The following UBR2 variants were observed in gnomAD, a reference collection of about 807,000 sequenced individuals.
UBR2 encodes the protein E3 ubiquitin-protein ligase UBR2.
In UBR2, 92 loss-of-function variants were observed where a neutral mutation model predicts 247.9. That is an observed-to-expected ratio of 0.37 (90% confidence interval 0.31 to 0.44). The LOEUF (loss-of-function observed/expected upper bound fraction) is 0.44. UBR2 is among the 20% of genes least tolerant of loss of function. The probability of loss-of-function intolerance (pLI) is 1.00; values close to 1 mark genes in which losing one functional copy is unlikely to be tolerated. For synonymous variants in UBR2, 672 were observed against 693.5 expected (o/e 0.97, Z 0.49); for missense variants, 1,613 against 2,112.6 (o/e 0.76, Z 4.64).
Position 42,592,326 on chromosome 6 carries a change from G to A in UBR2, c.417+97G>A, listed in dbSNP as rs184271743. The stretch of plus-strand genomic sequence containing the variant: ...AATGCAAAGATTTAACACTAAAATG[G>A]GGGGAGGGTGGTTTAAACAGTGTGT... On this transcript the variant is annotated intron_variant, in intron 3 of 46. Transcript: ENST00000372901. The A allele has an allele frequency of 9.1e-6, 9 of 985,802 alleles. No homozygotes were observed. The East Asian group carries it at 2.7e-4, about 30-fold the overall frequency. The allele number at this position is 985,802 out of a possible 1,614,324, so 61.1% of individuals were successfully genotyped here. A position where few individuals can be genotyped will look rare whatever the true frequency, so the allele number is the denominator to read the frequency against.
chr6:42,652,116 T>G (rs1424066390), intron 24 of UBR2, 45 bp downstream of exon 24: 1 of 1,514,790 alleles, frequency 6.6e-7, no homozygotes, highest in East Asian at 2.3e-5. Flanking sequence ...CTTTTTTGCT[T>G]GTTAAACATT....
At chr6:42,638,364 T>C (rs1582612786) in intron 15 of UBR2, among the ~76,000 whole-genome samples, 1 of 144,954 alleles carries the variant, frequency 6.9e-6, no homozygotes, top group African/African-American at 2.9e-5. Flanking sequence ...TCTGAAGGCA[T>C]TTTTTTTCAT....
chr6:42,649,965 C>G (rs928214695), intron 22 of UBR2, among the ~76,000 whole-genome samples: 3 of 152,180 alleles, frequency 2.0e-5, no homozygotes, highest in Non-Finnish European at 4.4e-5. Flanking sequence ...GAGAAATTAT[C>G]ACTGTTAATG....
chr6:42,586,135 T>C (rs1792239217), intron 2 of UBR2, among the ~76,000 whole-genome samples: 1 of 151,862 alleles, frequency 6.6e-6, no homozygotes, highest in Non-Finnish European at 1.5e-5. Context: ...AGGGCTAAAC[T>C]GGGTGGATAG....
At chr6:42,588,583 C>T (rs1162422552) in intron 2 of UBR2, among the ~76,000 whole-genome samples, 4 of 152,172 alleles carry the variant, frequency 2.6e-5, no homozygotes. Context: ...GAGGATTGCT[C>T]AAACCCAGGA....
intron 16 of UBR2, among the ~76,000 whole-genome samples, chr6:42,641,364 T>G (rs1033384243): frequency 6.6e-6 from 1 of 152,158 alleles, no homozygotes; most frequent in African/African-American, 2.4e-5. Context: ...CTCGGGAGGC[T>G]GAGGCAGGAG....
At chr6:42,673,919 A>G (rs1798578630) in intron 37 of UBR2, 32 bp downstream of exon 37, 1 of 1,561,394 alleles carries the variant, frequency 6.4e-7, no homozygotes, top group East Asian at 2.2e-5. Context: ...ACATGTTGTA[A>G]TTTTTCATCC....
At chr6:42,637,890 C>T (rs1245807350) in intron 15 of UBR2, among the ~76,000 whole-genome samples, 3 of 152,174 alleles carry the variant, frequency 2.0e-5, no homozygotes, top group African/African-American at 4.8e-5. Context: ...TTTTCTTGCT[C>T]GCACACTGTT....
chr6:42,609,184 C>T (rs1008294430), intron 7 of UBR2, among the ~76,000 whole-genome samples: 1 of 152,136 alleles, frequency 6.6e-6, no homozygotes, highest in Non-Finnish European at 1.5e-5. Context: ...AGTCTAGTAA[C>T]GTGTTAAAGC....
chr6:42,659,923 G>A lies in UBR2; in HGVS notation c.3442+68G>A. On this transcript the variant is annotated intron_variant, in intron 30 of 46. Transcript: ENST00000372901. This position sits in a 1 kb window ranked among gnomAD's most constrained non-coding sequence, Gnocchi z 4.3. ...TGCCAGTTAATGTGGTTGGTGATAC[G>A]TTGAGATTTTTTAAACCTAAAAATA... 7 of 1,493,864 alleles carry A rather than the reference G, an allele frequency of 4.7e-6. No individual in the cohort carries two copies. The South Asian group carries it at 4.7e-5, about 10-fold the overall frequency. The allele number at this position is 1,493,864 out of a possible 1,614,324, so 92.5% of individuals were successfully genotyped here. A position where few individuals can be genotyped will look rare whatever the true frequency, so the allele number is the denominator to read the frequency against.
chr6:42,630,608 G>T (rs1795655343), intron 11 of UBR2, among the ~76,000 whole-genome samples: 1 of 151,848 alleles, frequency 6.6e-6, no homozygotes, highest in Admixed American at 6.6e-5. Context: ...GTTTGGTGGG[G>T]GTTTACATTC....
At chr6:42,608,207 AT>A (rs2151931627) in intron 7 of UBR2, among the ~76,000 whole-genome samples, 1 of 152,236 alleles carries the variant, frequency 6.6e-6, no homozygotes, top group East Asian at 1.9e-4. Context: ...GCTTTACTAG[AT>A]TTTGCCTAGT....
intron 37 of UBR2, 43 bp downstream of exon 37, chr6:42,673,930 T>G: frequency 6.5e-7 from 1 of 1,538,284 alleles, no homozygotes; most frequent in Non-Finnish European, 8.9e-7. Context: ...TTTTTCATCC[T>G]CTGAAATTTT....
Position 42,642,333 on chromosome 6 carries a change from C to T in UBR2, c.2032-83C>T, listed in dbSNP as rs1014546524. On this transcript the variant is annotated intron_variant, in intron 17 of 46. Coordinates refer to ENST00000372901, the MANE Select transcript of UBR2 (RefSeq NM_001363705.2). The stretch of plus-strand genomic sequence containing the variant: ...TCACACACATGCACACATTCTTGTA[C>T]AAACTTGTGCTTTTGGGGAAGGATT... The T allele has an allele frequency of 9.7e-6, 9 of 923,622 alleles. No individual in the cohort carries two copies. In the African/African-American group the frequency reaches 1.3e-4, roughly 14 times the overall value. 57.2% of individuals were successfully genotyped at this position (923,622 alleles called of 1,614,324 possible). A position where few individuals can be genotyped will look rare whatever the true frequency, so the allele number is the denominator to read the frequency against.
At chr6:42,574,024 C>T (rs1791338932) in intron 2 of UBR2, 31 bp downstream of exon 2, 2 of 1,505,344 alleles carry the variant, frequency 1.3e-6, no homozygotes, top group Non-Finnish European at 1.8e-6. Context: ...TTCTAGGAGG[C>T]TCTTGTTTTA....
intron 6 of UBR2, 80 bp downstream of exon 6, chr6:42,605,939 A>G (rs1793668614): frequency 8.1e-7 from 1 of 1,227,396 alleles, no homozygotes; most frequent in East Asian, 2.4e-5. Context: ...GAATTGAGTT[A>G]AAGATATATA....
intron 11 of UBR2, among the ~76,000 whole-genome samples, chr6:42,627,027 A>G (rs908936822): frequency 6.6e-6 from 1 of 152,186 alleles, no homozygotes; most frequent in Non-Finnish European, 1.5e-5. Flanking sequence ...TAGTACACAG[A>G]GAGCTGGCCA....
chr6:42,569,860 T>C (rs1347275475), intron 1 of UBR2, among the ~76,000 whole-genome samples: 1 of 152,358 alleles, frequency 6.6e-6, no homozygotes. Context: ...TGTCATAACA[T>C]GTTTACTTTA....
chr6:42,632,802 C>G lies in UBR2; in HGVS notation c.1446-3C>G. ...TTGCCACTGTCACTTTTATCTTGTT[C>G]AGGTATGTGTTAATTAGCAAACCAA... On this transcript the variant is annotated splice_region_variant and splice_polypyrimidine_tract_variant and intron_variant, in intron 12 of 46. Coordinates refer to ENST00000372901, the MANE Select transcript of UBR2 (RefSeq NM_001363705.2). The G allele has an allele frequency of 6.2e-7, 1 of 1,600,214 alleles. No individual in the cohort carries two copies. Among genetic ancestry groups the G allele is most frequent in the South Asian group, 1.1e-5 (1 of 87,884 alleles).
Sources: allele counts gnomAD v4.1 joint callset (sites outside exome capture counted in the v4.1 genomes callset), GRCh38; gene constraint gnomAD v4.1.1; non-coding constraint Gnocchi (gnomAD v3.1); transcripts MANE v1.5; gene names NCBI Gene and HGNC (gene_info 2026-07-23, HGNC 2026-07-21).